LRRTM4: variants seen among roughly 807,000 people sequenced by gnomAD.
LRRTM4 encodes the protein leucine-rich repeat transmembrane neuronal protein 4.
A neutral mutation model predicts 47.6 loss-of-function variants in LRRTM4; 25 were observed. The observed-to-expected ratio is 0.53, with a 90% CI of 0.38 to 0.73. LRRTM4 has a LOEUF of 0.73. LRRTM4 is among the 30% of genes least tolerant of loss of function. The pLI is 0.00. For synonymous variants in LRRTM4, 311 were observed against 269.5 expected (o/e 1.15, Z -1.51); for missense variants, 638 against 713.4 (o/e 0.89, Z 1.20).
rs565993583 is a variant in LRRTM4 at position 77,168,358 on chromosome 2, T to C, written c.1551+349960A>G. ...TTTTCCTGTGTGCTGTGTCTCTCCT[T>C]TTCTACAAATCCTCTGCTACTTATT... On this transcript the variant is annotated intron_variant, in intron 3 of 3. Transcript: ENST00000409884. 1.1e-3 allele frequency among the ~76,000 whole-genome samples: 168 copies of C among 152,234 alleles called. 2 individuals carry two copies. Among genetic ancestry groups the C allele is most frequent in the African/African-American group, 3.2e-3 (134 of 41,570 alleles).
intron 3 of LRRTM4, among the ~76,000 whole-genome samples, chr2:77,075,506 A>G (rs930871858): frequency 1.3e-5 from 2 of 152,236 alleles, no homozygotes; most frequent in Admixed American, 6.5e-5. Context: ...ACTACTACTT[A>G]GGATCCCTTT....
At chr2:77,445,733 C>G (rs1676027142) in intron 3 of LRRTM4, among the ~76,000 whole-genome samples, 1 of 152,032 alleles carries the variant, frequency 6.6e-6, no homozygotes, top group Non-Finnish European at 1.5e-5. Context: ...AATGTTTTCA[C>G]AAATAAATAG....
intron 3 of LRRTM4, among the ~76,000 whole-genome samples, chr2:77,249,344 C>G (rs1255220414): frequency 1.3e-5 from 2 of 151,792 alleles, no homozygotes; most frequent in African/African-American, 4.8e-5. Context: ...TAGCAAAACT[C>G]CATCTCAAAA....
chr2:77,521,684 A>G lies in LRRTM4; in HGVS notation c.-13T>C. 1 of 1,611,710 alleles carries G rather than the reference A, an allele frequency of 6.2e-7. No homozygotes were observed. The highest frequency in any genetic ancestry group is 8.5e-7 in the Non-Finnish European group (1 of 1,178,718). On this transcript the variant is annotated 5_prime_UTR_variant, in exon 2 of 4. Transcript: ENST00000409884. Reference sequence around the variant, plus strand: ...TTCACTTACCCATCCTTTGTCATCCAAAAACGTTTCCCCCCTCTCTCAGCT... The same window carrying G: ...TTCACTTACCCATCCTTTGTCATCCGAAAACGTTTCCCCCCTCTCTCAGCT...
intron 3 of LRRTM4, among the ~76,000 whole-genome samples, chr2:77,351,322 G>C (rs1671763024): frequency 6.6e-6 from 1 of 151,274 alleles, no homozygotes; most frequent in Admixed American, 6.6e-5. Context: ...AGTTTGACAA[G>C]GTATTCCCAA....
At chr2:77,282,127 T>C (rs1676522530) in intron 3 of LRRTM4, among the ~76,000 whole-genome samples, 1 of 151,954 alleles carries the variant, frequency 6.6e-6, no homozygotes, top group Non-Finnish European at 1.5e-5. Flanking sequence ...AAGAGTGTCT[T>C]ATAGTTGTCC....
intron 3 of LRRTM4, among the ~76,000 whole-genome samples, chr2:77,391,168 TAGGAC>T (rs1175324848): frequency 1.3e-5 from 2 of 152,024 alleles, no homozygotes; most frequent in East Asian, 3.9e-4. Flanking sequence ...ACTGCTTGAA[TAGGAC>T]AGATGAAAGC....
chr2:76,873,434 A>G (rs990606402), intron 3 of LRRTM4, among the ~76,000 whole-genome samples: 5 of 148,016 alleles, frequency 3.4e-5, no homozygotes, highest in African/African-American at 1.2e-4. Context: ...TGTATACATT[A>G]TATAGTCTGT....
chr2:76,840,525 T>C (rs1671641594), intron 3 of LRRTM4, among the ~76,000 whole-genome samples: 1 of 152,136 alleles, frequency 6.6e-6, no homozygotes, highest in African/African-American at 2.4e-5. Context: ...TTATGTGCAG[T>C]AAATGTAAAA....
chr2:77,288,078 T>C (rs1411872504), intron 3 of LRRTM4, among the ~76,000 whole-genome samples: 1 of 151,956 alleles, frequency 6.6e-6, no homozygotes, highest in East Asian at 1.9e-4. Flanking sequence ...AAAAGCAGTA[T>C]GAACTAATAT....
At chr2:77,162,477 T>C (rs1672758444) in intron 3 of LRRTM4, among the ~76,000 whole-genome samples, 1 of 152,094 alleles carries the variant, frequency 6.6e-6, no homozygotes. Flanking sequence ...AGAGTAATGG[T>C]TCTCCCAGCA....
At chr2:76,854,582 A>G (rs780227519) in intron 3 of LRRTM4, among the ~76,000 whole-genome samples, 14 of 152,220 alleles carry the variant, frequency 9.2e-5, no homozygotes, top group Non-Finnish European at 1.8e-4. Flanking sequence ...GCCAATTTTA[A>G]TGTATACATA....
chr2:76,906,647 G>A (rs2103764160), intron 3 of LRRTM4, among the ~76,000 whole-genome samples: 2 of 152,172 alleles, frequency 1.3e-5, no homozygotes, highest in East Asian at 3.9e-4. Flanking sequence ...AAAGGATGGA[G>A]GAAGATCTAC....
chr2:76,753,275 A>C (rs1672913656), intron 3 of LRRTM4, among the ~76,000 whole-genome samples: 1 of 152,174 alleles, frequency 6.6e-6, no homozygotes, highest in Non-Finnish European at 1.5e-5. Context: ...AGATGCTGAA[A>C]GTATTCCCTG....
Position 76,805,810 on chromosome 2 carries a change from A to T in LRRTM4, c.1552-56894T>A, listed in dbSNP as rs919396466. ...CTTCCCCTTACTGCAGACCTCCATAAAACAAACAAACAAACAAACAAACAC... is the reference window on the plus strand; with the variant it reads ...CTTCCCCTTACTGCAGACCTCCATATAACAAACAAACAAACAAACAAACAC... On this transcript the variant is annotated intron_variant, in intron 3 of 3. Transcript: ENST00000409884. Among the ~76,000 whole-genome samples, 4 of 134,714 alleles carry T rather than the reference A, an allele frequency of 3.0e-5. No homozygotes were observed. In the South Asian group the frequency reaches 8.8e-4, roughly 30 times the overall value. 88.4% of individuals were successfully genotyped at this position (134,714 alleles called of 152,430 possible).
At chr2:76,801,834 A>G (rs1479097767) in intron 3 of LRRTM4, among the ~76,000 whole-genome samples, 1 of 152,172 alleles carries the variant, frequency 6.6e-6, no homozygotes, top group South Asian at 2.1e-4. Flanking sequence ...AAATGTATAA[A>G]TGTGATATGC....
intron 3 of LRRTM4, among the ~76,000 whole-genome samples, chr2:77,216,754 G>C (rs1346075777): frequency 1.3e-5 from 2 of 151,550 alleles, no homozygotes; most frequent in Admixed American, 1.3e-4. Flanking sequence ...TTCAGACTTA[G>C]TTGTGCATCT....
At chr2:77,094,261 A>G (rs970265917) in intron 3 of LRRTM4, among the ~76,000 whole-genome samples, 8 of 152,186 alleles carry the variant, frequency 5.3e-5, no homozygotes, top group Non-Finnish European at 1.2e-4. Context: ...ACTATAAAAC[A>G]CTGACAGAAT....
intron 3 of LRRTM4, among the ~76,000 whole-genome samples, chr2:76,825,937 A>T (rs1312811900): frequency 2.0e-5 from 3 of 151,690 alleles, no homozygotes; most frequent in Admixed American, 6.6e-5. Flanking sequence ...GACGTATTTA[A>T]TTTTTCTGAA....
Sources: gnomAD v4.1 joint callset for allele counts (sites outside exome capture counted in the v4.1 genomes callset) on GRCh38, gnomAD v4.1.1 for gene constraint, MANE v1.5 for transcripts, NCBI Gene and HGNC (gene_info 2026-07-23, HGNC 2026-07-21) for gene names.